VRK2: variants seen among roughly 807,000 people sequenced by gnomAD.
VRK2 encodes VRK serine/threonine kinase 2.
VRK2 carries 60 observed loss-of-function variants against 57.6 expected under a neutral mutation model. The ratio of observed to expected loss-of-function variants is 1.04; its 90% CI spans 0.85 to 1.29. The LOEUF is 1.29. Ranked by LOEUF, VRK2 falls within the 50% of genes most tolerant of loss-of-function variation. The probability of loss-of-function intolerance (pLI) is 0.00; values close to 1 mark genes in which losing one functional copy is unlikely to be tolerated. For synonymous variants in VRK2, 231 were observed against 199.2 expected (o/e 1.16, Z -1.35); for missense variants, 705 against 588.1 (o/e 1.20, Z -2.06).
At chr2:58,124,405 T>G (rs1043703683) in intron 8 of VRK2, among the ~76,000 whole-genome samples, 1 of 152,186 alleles carries the variant, frequency 6.6e-6, no homozygotes, top group East Asian at 1.9e-4. Context: ...AGTGAAAAAA[T>G]GGTGATTATT....
upstream of VRK2, chr2:58,046,608 C>T (rs1674776728): frequency 5.1e-6 from 5 of 985,582 alleles, no homozygotes; most frequent in Non-Finnish European, 6.0e-6. Flanking sequence ...CCCATGTAGC[C>T]GCGCCCTCTC....
intron 1 of VRK2, among the ~76,000 whole-genome samples, chr2:57,944,608 C>A (rs953458876): frequency 6.6e-6 from 1 of 151,992 alleles, no homozygotes; most frequent in Admixed American, 6.6e-5. Flanking sequence ...TGGTGGCGGG[C>A]GCCTGTAATC....
At chr2:58,101,925 A>G (rs1254968365) in intron 7 of VRK2, among the ~76,000 whole-genome samples, 1 of 151,730 alleles carries the variant, frequency 6.6e-6, no homozygotes, top group Non-Finnish European at 1.5e-5. Context: ...ACAATGAGAA[A>G]TTAAATAGAT....
At chr2:57,916,156 C>T (rs764111912) in intron 1 of VRK2, among the ~76,000 whole-genome samples, 15 of 152,036 alleles carry the variant, frequency 9.9e-5, no homozygotes, top group Admixed American at 2.0e-4. Flanking sequence ...CCTGTAATCC[C>T]AGCACTTTGG....
At chr2:58,141,682 T>A (rs547519240) in intron 11 of VRK2, among the ~76,000 whole-genome samples, 1 of 152,116 alleles carries the variant, frequency 6.6e-6, no homozygotes, top group South Asian at 2.1e-4. Context: ...TAGCATAAGA[T>A]ATGGGCTCAC....
At chr2:57,982,858 C>G (rs944382383) in intron 1 of VRK2, among the ~76,000 whole-genome samples, 1 of 152,198 alleles carries the variant, frequency 6.6e-6, no homozygotes, top group African/African-American at 2.4e-5. Flanking sequence ...GTTCCCACAC[C>G]AAACCATCAA....
At chr2:58,093,121 C>T (rs555321681) in intron 7 of VRK2, among the ~76,000 whole-genome samples, 393 of 152,356 alleles carry the variant, frequency 2.6e-3, no homozygotes, top group Non-Finnish European at 4.7e-3. Flanking sequence ...CTGCAATAAA[C>T]ATACATGTGC....
chr2:57,912,237 G>C (rs1036140034), intron 1 of VRK2, among the ~76,000 whole-genome samples: 1 of 152,084 alleles, frequency 6.6e-6, no homozygotes, highest in Non-Finnish European at 1.5e-5. Flanking sequence ...TGCAATTTTG[G>C]TATAGATCTA....
At chr2:58,145,641 A>G (rs1681996151) in intron 11 of VRK2, among the ~76,000 whole-genome samples, 1 of 151,972 alleles carries the variant, frequency 6.6e-6, no homozygotes, top group Non-Finnish European at 1.5e-5. Flanking sequence ...ATTTTTTATT[A>G]TACTTTAAGT....
At chr2:58,060,048 T>C (rs565593148) in intron 2 of VRK2, among the ~76,000 whole-genome samples, 1 of 151,800 alleles carries the variant, frequency 6.6e-6, no homozygotes, top group African/African-American at 2.4e-5. Flanking sequence ...TAATTGAGAA[T>C]GGAGAATTAG....
chr2:58,139,197 G>A (rs748387623), intron 10 of VRK2, among the ~76,000 whole-genome samples: 8 of 151,922 alleles, frequency 5.3e-5, no homozygotes, highest in African/African-American at 1.5e-4. Context: ...CTAAATATAC[G>A]GTTATAATCC....
chr2:58,030,652 G>A (rs2103695085), intron 2 of VRK2, among the ~76,000 whole-genome samples: 1 of 146,046 alleles, frequency 6.8e-6, no homozygotes, highest in Non-Finnish European at 1.5e-5. Flanking sequence ...AAACTTGTGT[G>A]GCAGATTGTA....
chr2:57,915,755 G>A (rs1378318252), intron 1 of VRK2, among the ~76,000 whole-genome samples: 2 of 152,204 alleles, frequency 1.3e-5, no homozygotes, highest in African/African-American at 4.8e-5. Flanking sequence ...CTGCAGACCA[G>A]TACCGGTTTG....
intron 8 of VRK2, among the ~76,000 whole-genome samples, chr2:58,130,709 G>C (rs1679064379): frequency 6.6e-6 from 1 of 152,078 alleles, no homozygotes; most frequent in Non-Finnish European, 1.5e-5. Flanking sequence ...TAGGATACCT[G>C]TTTATAGCAG....
At chr2:58,005,236 C>G (rs559841104) in intron 1 of VRK2, among the ~76,000 whole-genome samples, 1 of 152,158 alleles carries the variant, frequency 6.6e-6, no homozygotes, top group East Asian at 1.9e-4. Context: ...TAAACAACAT[C>G]TAAGAAGATA....
chr2:57,914,126 T>C (rs1465243931), intron 1 of VRK2, among the ~76,000 whole-genome samples: 2 of 152,044 alleles, frequency 1.3e-5, no homozygotes, highest in Non-Finnish European at 2.9e-5. Flanking sequence ...GGATCCTCTG[T>C]CCATTAGTCA....
At position 57,937,692 on chromosome 2, in the gene VRK2, C is replaced by T. The variant is rs1572882677; in HGVS notation, c.-439+29853C>T. On this transcript the variant is annotated intron_variant, in intron 1 of 15. Coordinates refer to the VRK2 transcript ENST00000417641. ...GAACTTTTCTCCTTAGAAGCAATAG[C>T]AGAGGCATGTAAGAAAACCATACTT... Among the ~76,000 whole-genome samples the T allele has an allele frequency of 4.6e-5, 7 of 152,276 alleles. No individual in the cohort carries two copies. The East Asian group carries it at 1.4e-3, about 29-fold the overall frequency.
chr2:58,132,026 A>G (rs755685774), intron 9 of VRK2, 98 bp downstream of exon 9: 2 of 1,448,494 alleles, frequency 1.4e-6, no homozygotes, highest in East Asian at 4.8e-5. Context: ...TTCACCCAAC[A>G]TGACAACCAA....
intron 1 of VRK2, among the ~76,000 whole-genome samples, chr2:57,969,682 C>A (rs1317313863): frequency 6.6e-6 from 1 of 151,902 alleles, no homozygotes; most frequent in Admixed American, 6.6e-5. Context: ...AATATCAAAT[C>A]AAAAATAAAT....
Sources: gnomAD v4.1 joint callset for allele counts (sites outside exome capture counted in the v4.1 genomes callset) on GRCh38, gnomAD v4.1.1 for gene constraint, MANE v1.5 for transcripts, NCBI Gene and HGNC (gene_info 2026-07-23, HGNC 2026-07-21) for gene names.